Variants in NEMF observed in about 807,000 individuals in gnomAD.
NEMF encodes nuclear export mediator factor, also known as ribosome quality control complex subunit NEMF.
Under a neutral mutation model 162.2 loss-of-function variants are expected in NEMF, and 89 were observed. That is an observed-to-expected ratio of 0.55 (90% CI 0.46 to 0.65). NEMF has a LOEUF of 0.65. Ranked by LOEUF, NEMF falls within the 30% of genes least tolerant of loss-of-function variation. NEMF has a pLI of 0.00. For missense variants in NEMF, 1,133 were observed against 1,261.9 expected (o/e 0.90, Z 1.55); for synonymous variants, 421 against 404.5 (o/e 1.04, Z -0.49).
intron 26 of NEMF, among the ~76,000 whole-genome samples, chr14:49,795,159 A>G (rs990421482): frequency 2.1e-4 from 32 of 151,888 alleles, no homozygotes; most frequent in African/African-American, 7.7e-4. Flanking sequence ...ATATAGTTAG[A>G]CCCCATCGTT....
rs776820314 is a variant in NEMF at position 49,846,272 on chromosome 14, A to G, written c.232-7T>C. The G allele has an allele frequency of 1.2e-6, 2 of 1,608,606 alleles. No homozygotes were observed. Among genetic ancestry groups the G allele is most frequent in the African/African-American group, 1.3e-5 (1 of 74,686 alleles). On this transcript the variant is annotated splice_polypyrimidine_tract_variant and splice_region_variant and intron_variant, in intron 3 of 32. Transcript: ENST00000298310. Reference sequence around the variant, plus strand: ...TCTTCAAATGTTTTCGGCACTAGCAAGAGAAAGAAAAAGGCATTCATTTAG... The same window carrying G: ...TCTTCAAATGTTTTCGGCACTAGCAGGAGAAAGAAAAAGGCATTCATTTAG...
rs563898727 is a variant in NEMF at position 49,831,322 on chromosome 14, T to C, written c.922A>G (p.Ile308Val). ...ACCTGTTGTAAAGCTTTTAAGTCAATTTTCTGGCCTTCTATCTTGGAATAA... is the reference window on the plus strand; with the variant it reads ...ACCTGTTGTAAAGCTTTTAAGTCAACTTTCTGGCCTTCTATCTTGGAATAA... ...EFYSKIEGQK[I>V]DLKALQQEKQ... is the part of the protein sequence containing the mutation. Residue 308 changes from isoleucine (I) to valine (V), a missense_variant, in exon 11 of 33, where the codon ATT becomes GTT. Around this residue, in one of 3 missense-constraint regions of NEMF, gnomAD observed 582 missense variants for 631.5 expected, o/e 0.92. Transcript: ENST00000298310. The C allele has an allele frequency of 1.8e-5, 28 of 1,598,970 alleles. No homozygotes were observed. In the South Asian group the frequency reaches 3.1e-4, roughly 18 times the overall value.
chr14:49,787,649 T>C (rs1243705700), intron 28 of NEMF, among the ~76,000 whole-genome samples: 1 of 152,222 alleles, frequency 6.6e-6, no homozygotes, highest in East Asian at 1.9e-4. Context: ...ACTGGGTATT[T>C]AGGTTCCCAT....
intron 3 of NEMF, among the ~76,000 whole-genome samples, chr14:49,848,611 C>A (rs965615862): frequency 6.6e-6 from 1 of 151,996 alleles, no homozygotes; most frequent in African/African-American, 2.4e-5. Flanking sequence ...CCGAGGCAGG[C>A]GGATCACAAC....
intron 26 of NEMF, among the ~76,000 whole-genome samples, chr14:49,794,679 A>G (rs1890606845): frequency 6.6e-6 from 1 of 150,980 alleles, no homozygotes; most frequent in South Asian, 2.1e-4. Context: ...GTACACTGAT[A>G]AATTAGCCCA....
At chr14:49,813,148 G>C (rs901682154) in intron 18 of NEMF, among the ~76,000 whole-genome samples, 6 of 152,266 alleles carry the variant, frequency 3.9e-5, no homozygotes, top group Admixed American at 3.3e-4. Flanking sequence ...TACAGGGTGA[G>C]CACCCCAAAC....
chr14:49,782,161 C>A lies in NEMF; in HGVS notation c.*2475G>T. 1 of 518,638 alleles carries A rather than the reference C, an allele frequency of 1.9e-6. No homozygotes were observed. The highest frequency in any genetic ancestry group is 3.4e-6 in the Non-Finnish European group (1 of 293,808). The allele number at this position is 518,638 out of a possible 1,614,324, so 32.1% of individuals were successfully genotyped here. ...AAACTCCTCATTGCATAAATGAGAACGACCAGAGAGAGAAAATAATATCCA... is the reference window on the plus strand; with the variant it reads ...AAACTCCTCATTGCATAAATGAGAAAGACCAGAGAGAGAAAATAATATCCA... On this transcript the variant is annotated 3_prime_UTR_variant, in exon 33 of 33. Transcript: ENST00000298310.
chr14:49,808,239 C>G (rs1566668021), intron 18 of NEMF, among the ~76,000 whole-genome samples: 1 of 152,172 alleles, frequency 6.6e-6, no homozygotes. Flanking sequence ...ATGATGCCAT[C>G]TCAGCTCACT....
In NEMF at chr14:49,782,221, CTTTCCCTTAA is replaced by C; in HGVS notation, c.*2405_*2414del. 2 of 545,064 alleles carry C rather than the reference CTTTCCCTTAA, an allele frequency of 3.7e-6. No homozygotes were observed. Among genetic ancestry groups the C allele is most frequent in the Non-Finnish European group, 6.6e-6 (2 of 303,230 alleles). 33.8% of individuals were successfully genotyped at this position (545,064 alleles called of 1,614,324 possible). On this transcript the variant is annotated 3_prime_UTR_variant, in exon 33 of 33. Coordinates refer to ENST00000298310, the MANE Select transcript of NEMF (RefSeq NM_004713.6). ...GATATTGATTGATCTGCTTTTGCTA[CTTTCCCTTAA>C]GATTTTACTTCTCGCCATGATGTTT...
chr14:49,836,330 G>GA (rs1178226452), intron 6 of NEMF, among the ~76,000 whole-genome samples: 3 of 151,928 alleles, frequency 2.0e-5, no homozygotes, highest in Non-Finnish European at 4.4e-5. Flanking sequence ...TTTTTTCATA[G>GA]AAAGTAACAA....
At chr14:49,851,019 C>T (rs933395242) in intron 3 of NEMF, among the ~76,000 whole-genome samples, 18 of 152,232 alleles carry the variant, frequency 1.2e-4, no homozygotes, top group African/African-American at 4.1e-4. Flanking sequence ...GACTGGCCAA[C>T]ATGGTGAAAC....
chr14:49,818,518 G>A (rs1255045296), intron 16 of NEMF: 1 of 152,228 alleles, frequency 6.6e-6, no homozygotes, highest in Non-Finnish European at 1.5e-5. Context: ...AAGAGTTTAA[G>A]ATGGGAATGA....
chr14:49,849,833 G>A (rs1198008700), intron 3 of NEMF: 1 of 152,112 alleles, frequency 6.6e-6, no homozygotes, highest in Non-Finnish European at 1.5e-5. Flanking sequence ...TATTATTAAG[G>A]ACAGGCCCCA....
chr14:49,787,612 A>G (rs140286783), intron 28 of NEMF, among the ~76,000 whole-genome samples: 10 of 152,298 alleles, frequency 6.6e-5, no homozygotes, highest in African/African-American at 1.4e-4. Context: ...TTCACTTCCT[A>G]AAGGCCCAAC....
intron 5 of NEMF, chr14:49,839,611 C>A (rs1313641141): frequency 3.3e-5 from 5 of 152,242 alleles, no homozygotes; most frequent in African/African-American, 1.2e-4. Context: ...TCTCCCTTTG[C>A]CCTCTGCACA....
intron 4 of NEMF, among the ~76,000 whole-genome samples, chr14:49,841,457 C>T (rs990256948): frequency 6.0e-4 from 90 of 151,020 alleles, no homozygotes; most frequent in Middle Eastern, 3.4e-3. Context: ...GCCTGTAATC[C>T]CAGCCACTTG....
intron 25 of NEMF, among the ~76,000 whole-genome samples, chr14:49,797,147 G>A (rs779376887): frequency 1.3e-5 from 2 of 152,148 alleles, no homozygotes; most frequent in East Asian, 1.9e-4. Flanking sequence ...ACAGGGCTAT[G>A]TGCTCAGAAT....
rs1197374652 is a variant in NEMF, at chr14:49,803,275, G to GT, written c.1876dup (p.Thr626AsnfsTer29). The GT allele has an allele frequency of 3.1e-6, 5 of 1,609,196 alleles. No individual in the cohort carries two copies. The African/African-American group carries it at 6.7e-5, about 22-fold the overall frequency. The stretch of plus-strand genomic sequence containing the variant: ...GCTTCCTGTTGTCAAATATTCTCCA[G>GT]TTGGTGCTGTTTTAGATACCTGAAG... On this transcript the variant is annotated frameshift_variant, in exon 20 of 33. Transcript: ENST00000298310. LOFTEE classifies it high-confidence loss of function.
At chr14:49,830,971 T>C (rs1892604359) in intron 11 of NEMF, among the ~76,000 whole-genome samples, 1 of 152,202 alleles carries the variant, frequency 6.6e-6, no homozygotes, top group South Asian at 2.1e-4. Context: ...CCTAAAACAG[T>C]ATCTCCTTAA....
Sources: allele counts gnomAD v4.1 joint callset (sites outside exome capture counted in the v4.1 genomes callset), GRCh38; gene constraint gnomAD v4.1.1; regional missense constraint gnomAD v4.1.1; transcripts MANE v1.5; gene names NCBI Gene and HGNC (gene_info 2026-07-23, HGNC 2026-07-21).